The following TTLL11 variants were observed in gnomAD, a reference collection of about 807,000 sequenced individuals.
TTLL11 encodes the protein tubulin polyglutamylase TTLL11.
A neutral mutation model predicts 51.7 loss-of-function variants in TTLL11; 42 were observed. The ratio of observed to expected loss-of-function variants is 0.81; its 90% CI spans 0.64 to 1.05. The LOEUF is 1.05. TTLL11 is among the 50% of genes least tolerant of loss of function. The pLI is 0.00. For missense variants in TTLL11, 799 were observed against 940.4 expected, an observed-to-expected ratio of 0.85 and a Z score of 1.97; for synonymous variants, 381 against 383.5, an observed-to-expected ratio of 0.99 and a Z score of 0.08.
chr9:121,944,986 T>C (rs1240264615), intron 6 of TTLL11, among the ~76,000 whole-genome samples: 1 of 152,214 alleles, frequency 6.6e-6, no homozygotes, highest in Non-Finnish European at 1.5e-5. Flanking sequence ...AATGCTTGTT[T>C]TCAGGGTTAA....
intron 8 of TTLL11, among the ~76,000 whole-genome samples, chr9:121,851,881 G>C (rs1014392982): frequency 6.6e-6 from 1 of 152,204 alleles, no homozygotes; most frequent in Admixed American, 6.5e-5. Flanking sequence ...TGGACATGCT[G>C]TTGTTGTTAA....
At chr9:122,072,474 T>C (rs985247416) in intron 1 of TTLL11, among the ~76,000 whole-genome samples, 2 of 151,926 alleles carry the variant, frequency 1.3e-5, no homozygotes, top group African/African-American at 4.8e-5. Context: ...TGAAACCTCG[T>C]CTCTACTAAA....
intron 6 of TTLL11, among the ~76,000 whole-genome samples, chr9:121,921,166 A>G (rs1341887975): frequency 6.6e-6 from 1 of 152,232 alleles, no homozygotes; most frequent in Non-Finnish European, 1.5e-5. Flanking sequence ...GTGGTATGCA[A>G]AAGACGTCCG....
At chr9:122,002,136 G>GC (rs1041302803) in intron 3 of TTLL11, among the ~76,000 whole-genome samples, 1 of 152,212 alleles carries the variant, frequency 6.6e-6, no homozygotes, top group African/African-American at 2.4e-5. Flanking sequence ...CTTGGGCTAA[G>GC]CCCCCTCTCA....
chr9:122,046,318 G>A (rs1195816589), intron 1 of TTLL11, among the ~76,000 whole-genome samples: 3 of 152,082 alleles, frequency 2.0e-5, no homozygotes, highest in Non-Finnish European at 4.4e-5. Context: ...AGCCATGTAA[G>A]ACACCTCCTT....
intron 3 of TTLL11, among the ~76,000 whole-genome samples, chr9:122,009,865 C>G (rs1661291002): frequency 6.6e-6 from 1 of 151,966 alleles, no homozygotes; most frequent in South Asian, 2.1e-4. Context: ...GAAGGCTGAT[C>G]TATTTTCTTC....
At chr9:121,851,654 A>G (rs372170456) in intron 8 of TTLL11, among the ~76,000 whole-genome samples, 2 of 152,208 alleles carry the variant, frequency 1.3e-5, no homozygotes, top group Non-Finnish European at 2.9e-5. Flanking sequence ...TGCAGGGGCT[A>G]TTGGAGGTGG....
At position 122,054,211 on chromosome 9, in the gene TTLL11, G is replaced by A. The variant is rs192781197; in HGVS notation, c.463-14843C>T. On this transcript the variant is annotated intron_variant, in intron 1 of 8. Coordinates refer to ENST00000321582, the MANE Select transcript of TTLL11 (RefSeq NM_001139442.2). ...TGGAAGAGCGGTGGTGAGGCCCATC[G>A]TCCGCCTTGCTTCCGCTTGTGATTG... Among the ~76,000 whole-genome samples, 533 of 152,120 alleles carry A rather than the reference G, an allele frequency of 3.5e-3. 2 individuals are homozygous for A. Among genetic ancestry groups the A allele is most frequent in the South Asian group, 0.015 (70 of 4,812 alleles).
intron 1 of TTLL11, among the ~76,000 whole-genome samples, chr9:122,061,317 A>G (rs1450028988): frequency 6.6e-6 from 1 of 152,208 alleles, no homozygotes; most frequent in East Asian, 1.9e-4. Flanking sequence ...GGGCTTGGAC[A>G]TATCTTTTTT....
chr9:121,977,194 A>G (rs1478178107), intron 4 of TTLL11, among the ~76,000 whole-genome samples: 1 of 152,134 alleles, frequency 6.6e-6, no homozygotes, highest in African/African-American at 2.4e-5. Flanking sequence ...CCTAAACTTG[A>G]GTGCATGTTT....
At chr9:121,937,378 TACTA>T (rs1841277355) in intron 6 of TTLL11, among the ~76,000 whole-genome samples, 2 of 152,220 alleles carry the variant, frequency 1.3e-5, no homozygotes, top group South Asian at 4.1e-4. Context: ...TGAAATAACT[TACTA>T]ACTTGCTTAC....
chr9:121,956,475 G>A (rs924632245), intron 6 of TTLL11, among the ~76,000 whole-genome samples: 3 of 152,218 alleles, frequency 2.0e-5, no homozygotes, highest in South Asian at 2.1e-4. Flanking sequence ...TGACACCTAC[G>A]AGTAGAGTTG....
intron 8 of TTLL11, among the ~76,000 whole-genome samples, chr9:121,826,198 A>AACCAG (rs1564259926): frequency 9.1e-6 from 1 of 109,300 alleles, no homozygotes; most frequent in African/African-American, 4.1e-5. Context: ...ATATATATAT[A>AACCAG]TATATATATA....
At chr9:121,926,952 G>A (rs1840759216) in intron 6 of TTLL11, among the ~76,000 whole-genome samples, 1 of 152,172 alleles carries the variant, frequency 6.6e-6, no homozygotes, top group Non-Finnish European at 1.5e-5. Context: ...GACTTCTCAT[G>A]AGAGCCTCGC....
At chr9:122,038,675 A>C (rs1844765022) in intron 2 of TTLL11, among the ~76,000 whole-genome samples, 1 of 152,128 alleles carries the variant, frequency 6.6e-6, no homozygotes, top group Non-Finnish European at 1.5e-5. Context: ...TTAAAATGCA[A>C]AACAAAAAAG....
chr9:122,050,777 G>T (rs1356924355), intron 1 of TTLL11, among the ~76,000 whole-genome samples: 3 of 152,192 alleles, frequency 2.0e-5, no homozygotes. Context: ...TGCCTAGGGA[G>T]ACGCCCACAT....
chr9:121,981,880 C>A (rs916302658), intron 4 of TTLL11, among the ~76,000 whole-genome samples: 1 of 152,196 alleles, frequency 6.6e-6, no homozygotes, highest in Admixed American at 6.5e-5. Context: ...GCTCAAATGC[C>A]TCCGTGCCCT....
intron 1 of TTLL11, 138 bp from the exon 2 acceptor site, chr9:122,039,506 A>G: frequency 1.6e-6 from 1 of 611,870 alleles, no homozygotes; most frequent in Non-Finnish European, 2.9e-6. Flanking sequence ...GAGGTAAGTG[A>G]TATTCTTTGC....
At chr9:121,991,692 T>C (rs1843118991) in intron 3 of TTLL11, among the ~76,000 whole-genome samples, 1 of 152,254 alleles carries the variant, frequency 6.6e-6, no homozygotes, top group East Asian at 1.9e-4. Context: ...TTAAACTACC[T>C]GGTCAATAGT....
Sources: gnomAD v4.1 joint callset for allele counts (sites outside exome capture counted in the v4.1 genomes callset) on GRCh38, gnomAD v4.1.1 for gene constraint, MANE v1.5 for transcripts, NCBI Gene and HGNC (gene_info 2026-07-23, HGNC 2026-07-21) for gene names.